Variants in LETM1 observed in about 807,000 individuals in gnomAD.
The protein encoded by LETM1 is mitochondrial proton/calcium exchanger protein.
LETM1 carries 50 observed loss-of-function variants against 74.5 expected under a neutral mutation model. The ratio of observed to expected loss-of-function variants is 0.67; its 90% CI spans 0.53 to 0.85. The LOEUF (loss-of-function observed/expected upper bound fraction) is 0.85, where lower values mean the gene tolerates loss of function less well. Among genes scored for constraint, LETM1 ranks in the 40% least tolerant of loss-of-function variants. LETM1 has a pLI of 0.00. For missense variants in LETM1, 824 were observed against 967.8 expected (o/e 0.85, Z 1.97); for synonymous variants, 446 against 407.1 (o/e 1.10, Z -1.15).
rs552131578 is a variant in LETM1 at position 1,813,987 on chromosome 4, C to T, written c.*437G>A. The T allele has an allele frequency of 1.2e-3, 241 of 206,554 alleles. 1 individual carries two copies. The highest frequency in any genetic ancestry group is 4.7e-3 in the Admixed American group (92 of 19,470). 12.8% of individuals were successfully genotyped at this position (206,554 alleles called of 1,614,324 possible). A position where few individuals can be genotyped will look rare whatever the true frequency, so the allele number is the denominator to read the frequency against. On this transcript the variant is annotated 3_prime_UTR_variant, in exon 14 of 14. Transcript: ENST00000302787. ...CACAGGCGAATGGAGGCATCTTCAG[C>T]CCTGAGGAGGCCAGGCTGTGTCTCC...
chr4:1,825,576 A>G lies in LETM1; in HGVS notation c.1188T>C (p.Gly396=). The change falls in exon 7 of 14, where the codon GGT becomes GGC. Residue 396 remains glycine, a synonymous_variant. Transcript: ENST00000302787. The part of the protein sequence containing the change: ...ALGVTEDRLR[G]QLKQWLDLHL... ...AATATTCACGCACCTGCTTCAGCTGACCCCTCAGGCGGTCTTCCGTGACGC... is the reference window on the plus strand; with the variant it reads ...AATATTCACGCACCTGCTTCAGCTGGCCCCTCAGGCGGTCTTCCGTGACGC... The G allele has an allele frequency of 6.2e-7, 1 of 1,612,222 alleles. No individual in the cohort carries two copies. Among genetic ancestry groups the G allele is most frequent in the Non-Finnish European group, 8.5e-7 (1 of 1,178,638 alleles).
At position 1,856,002 on chromosome 4, in the gene LETM1, G is replaced by T; in HGVS notation, c.-52C>A. On this transcript the variant is annotated 5_prime_UTR_variant, in exon 1 of 14. Transcript: ENST00000302787. ...CCTCCTGCGCTGCCTCCTTCTCCGC[G>T]GCGGCCGCGGCTCTTCGCCGTCCCG... The T allele has an allele frequency of 1.8e-6, 2 of 1,111,176 alleles. No individual in the cohort carries two copies. The highest frequency in any genetic ancestry group is 4.5e-5 in the South Asian group (1 of 22,150). The allele number at this position is 1,111,176 out of a possible 1,614,324, so 68.8% of individuals were successfully genotyped here.
In LETM1 at chr4:1,822,327, G is replaced by A. The variant is rs778871248; in HGVS notation, c.1477-15C>T. On this transcript the variant is annotated splice_polypyrimidine_tract_variant and intron_variant, in intron 9 of 13. Coordinates refer to ENST00000302787, the MANE Select transcript of LETM1 (RefSeq NM_012318.3). ...TCAAAATCCTTCTGAAAGGCAAGGC[G>A]ACACCAGCCCAGCGCCCGCCATCAC... The A allele has an allele frequency of 3.4e-6, 5 of 1,477,976 alleles. No individual in the cohort carries two copies. Among genetic ancestry groups the A allele is most frequent in the Non-Finnish European group, 3.6e-6 (4 of 1,103,450 alleles). The allele number at this position is 1,477,976 out of a possible 1,614,324, so 91.6% of individuals were successfully genotyped here.
intron 8 of LETM1, 61 bp downstream of exon 8, chr4:1,823,583 C>A (rs1711872995): frequency 1.2e-6 from 2 of 1,603,140 alleles, no homozygotes; most frequent in Non-Finnish European, 1.7e-6. Flanking sequence ...CTCCCCCCAC[C>A]CCAGAAGAGC....
chr4:1,853,981 T>C (rs1424550628), intron 1 of LETM1, among the ~76,000 whole-genome samples: 1 of 152,194 alleles, frequency 6.6e-6, no homozygotes, highest in Admixed American at 6.5e-5. Context: ...CTAATTATTA[T>C]TATTATTTAT....
intron 12 of LETM1, 82 bp from the exon 13 acceptor site, chr4:1,815,884 T>A (rs1249364634): frequency 3.2e-6 from 5 of 1,547,896 alleles, no homozygotes. Context: ...TGGCTGCAAG[T>A]GGTCAGCACT....
chr4:1,822,387 A>G (rs530935264), intron 9 of LETM1, 75 bp from the exon 10 acceptor site: 4 of 1,340,588 alleles, frequency 3.0e-6, no homozygotes, highest in Non-Finnish European at 3.9e-6. Context: ...GAAGCTCAGA[A>G]CATATGGCAG....
intron 2 of LETM1, among the ~76,000 whole-genome samples, chr4:1,843,968 A>C (rs1383794409): frequency 6.6e-6 from 1 of 152,222 alleles, no homozygotes; most frequent in Non-Finnish European, 1.5e-5. Context: ...CAGTGCCCAC[A>C]CATGGGAATA....
At chr4:1,855,217 T>C (rs1376338027) in intron 1 of LETM1, among the ~76,000 whole-genome samples, 2 of 152,148 alleles carry the variant, frequency 1.3e-5, no homozygotes, top group Admixed American at 6.5e-5. Context: ...AATAAGGACA[T>C]AGACTCAAAT....
Position 1,841,348 on chromosome 4 carries a change from T to C in LETM1, c.593A>G (p.Gln198Arg), listed in dbSNP as rs375200513. The change falls in exon 3 of 14, where the codon CAG becomes CGG. Residue 198 changes from glutamine (Q) to arginine (R), a missense_variant and splice_region_variant. Coordinates refer to ENST00000302787, the MANE Select transcript of LETM1 (RefSeq NM_012318.3). ...AAGGACTAGACATGTCCCCATTACCTGCCTGCGCTCCCGGCGGGTCAGGCT... is the reference window on the plus strand; with the variant it reads ...AAGGACTAGACATGTCCCCATTACCCGCCTGCGCTCCCGGCGGGTCAGGCT... ...GHSLTRRERR[Q>R]FLRICADLFR... 9.3e-6 allele frequency: 15 copies of C among 1,612,064 alleles called. No homozygotes were observed. Among genetic ancestry groups the C allele is most frequent in the Non-Finnish European group, 1.2e-5 (14 of 1,178,342 alleles).
intron 2 of LETM1, chr4:1,842,994 G>T: frequency 2.9e-6 from 1 of 344,014 alleles, no homozygotes; most frequent in Non-Finnish European, 5.8e-6. Context: ...CCCCCGGGTG[G>T]CCCGAGCTCA....
intron 1 of LETM1, among the ~76,000 whole-genome samples, chr4:1,852,427 G>A (rs970706486): frequency 6.6e-6 from 1 of 152,144 alleles, no homozygotes; most frequent in Admixed American, 6.5e-5. Context: ...TCACCCAGAA[G>A]TTCTCATCAA....
At chr4:1,848,735 AAG>A (rs1491012963) in intron 2 of LETM1, among the ~76,000 whole-genome samples, 5 of 150,728 alleles carry the variant, frequency 3.3e-5, no homozygotes, top group African/African-American at 9.7e-5. Context: ...AAAAAAAAAA[AAG>A]AAAAAAAAAA....
rs556194504 is a variant in LETM1, at chr4:1,819,932, CGT to C, written c.1609-462_1609-461del. Among the ~76,000 whole-genome samples the C allele has an allele frequency of 3.7e-3, 563 of 152,236 alleles. 5 individuals are homozygous for C. The highest frequency in any genetic ancestry group is 0.013 in the African/African-American group (533 of 41,538). ...TTATTTTGAGATTTGCCCCTGTGGT[CGT>C]GTGTTTCTTGTCTTGTTTTTTGAGA... On this transcript the variant is annotated intron_variant, in intron 10 of 13. Transcript: ENST00000302787.
chr4:1,850,567 C>A (rs540594320), intron 1 of LETM1, among the ~76,000 whole-genome samples: 1 of 144,464 alleles, frequency 6.9e-6, no homozygotes, highest in African/African-American at 2.6e-5. Flanking sequence ...GACGTGAACC[C>A]GGGAGGCGGA....
At position 1,823,686 on chromosome 4, in the gene LETM1, G is replaced by A. The variant is rs199973293; in HGVS notation, c.1290C>T (p.Ala430=). ...TCTGCAGTGTGGACTTGAGCTGGTC[G>A]GCTGGAGAGAGGGTGTCCGGGAGGT... ...AMYLPDTLSP[A]DQLKSTLQTL... Residue 430 remains alanine (A), a synonymous_variant, in exon 8 of 14, where the codon GCC becomes GCT. Coordinates refer to ENST00000302787, the MANE Select transcript of LETM1 (RefSeq NM_012318.3). 66 of 1,614,006 alleles carry A rather than the reference G, an allele frequency of 4.1e-5. No homozygotes were observed. The highest frequency in any genetic ancestry group is 1.3e-4 in the East Asian group (6 of 44,882).
At chr4:1,855,650 C>G (rs897244911) in intron 1 of LETM1, among the ~76,000 whole-genome samples, 2 of 152,210 alleles carry the variant, frequency 1.3e-5, no homozygotes, top group African/African-American at 4.8e-5. Flanking sequence ...ACCCGGCCGC[C>G]TAAGGTCACA....
intron 1 of LETM1, among the ~76,000 whole-genome samples, chr4:1,853,645 A>G (rs1184365347): frequency 6.6e-6 from 1 of 152,246 alleles, no homozygotes; most frequent in Non-Finnish European, 1.5e-5. Context: ...TGGGACAGAA[A>G]AAGGACCTCA....
intron 1 of LETM1, 70 bp downstream of exon 1, chr4:1,855,799 C>T (rs1393923656): frequency 2.1e-6 from 2 of 966,344 alleles, no homozygotes; most frequent in East Asian, 3.7e-5. Flanking sequence ...CCAGCCCGAA[C>T]CCGCGGGTCG....
Sources: allele counts gnomAD v4.1 joint callset (sites outside exome capture counted in the v4.1 genomes callset), GRCh38; gene constraint gnomAD v4.1.1; transcripts MANE v1.5; gene names NCBI Gene and HGNC (gene_info 2026-07-23, HGNC 2026-07-21).